JAZF1: variants seen among roughly 807,000 people sequenced by gnomAD.
The protein encoded by JAZF1 is JAZF zinc finger 1, also known as juxtaposed with another zinc finger protein 1.
A neutral mutation model predicts 26.4 loss-of-function variants in JAZF1; 8 were observed. The ratio of observed to expected loss-of-function variants is 0.30; its 90% CI spans 0.18 to 0.55. The LOEUF (loss-of-function observed/expected upper bound fraction) is 0.55. Ranked by LOEUF, JAZF1 falls within the 20% of genes least tolerant of loss-of-function variation. The probability of loss-of-function intolerance (pLI) is 0.94; values close to 1 mark genes in which losing one functional copy is unlikely to be tolerated. For synonymous variants in JAZF1, 126 were observed against 122.3 expected, an observed-to-expected ratio of 1.03 and a Z score of -0.20; for missense variants, 199 against 322.0, an observed-to-expected ratio of 0.62 and a Z score of 2.92.
chr7:27,994,967 G>A (rs1292764764), intron 1 of JAZF1, among the ~76,000 whole-genome samples: 2 of 152,144 alleles, frequency 1.3e-5, no homozygotes, highest in Non-Finnish European at 2.9e-5. Context: ...TTCAGAGCAG[G>A]ACAGATCCCC....
intron 3 of JAZF1, among the ~76,000 whole-genome samples, chr7:27,891,979 G>A (rs1282335206): frequency 6.6e-6 from 1 of 152,176 alleles, no homozygotes; most frequent in Non-Finnish European, 1.5e-5. Flanking sequence ...TATAAATGAA[G>A]TTCCTACAAG....
At chr7:28,090,355 C>T (rs1784274641) in intron 1 of JAZF1, among the ~76,000 whole-genome samples, 1 of 152,206 alleles carries the variant, frequency 6.6e-6, no homozygotes, top group Non-Finnish European at 1.5e-5. Flanking sequence ...TCCAGTCAAA[C>T]TGCAATCTTA....
At chr7:27,885,725 T>C (rs1246173616) in intron 3 of JAZF1, among the ~76,000 whole-genome samples, 1 of 152,138 alleles carries the variant, frequency 6.6e-6, no homozygotes, top group East Asian at 1.9e-4. Flanking sequence ...AGTGTTTGTA[T>C]CCATTCTGAC....
In JAZF1 at chr7:28,179,639, G is replaced by A. The variant is rs1372621384; in HGVS notation, c.115+824C>T. Among the ~76,000 whole-genome samples the A allele has an allele frequency of 9.3e-5, 14 of 150,114 alleles. 1 individual carries two copies. Among genetic ancestry groups the A allele is most frequent in the Admixed American group, 8.6e-4 (13 of 15,092 alleles). ...CCCCGGGGCGCTGGGCGCGGCCCGC[G>A]GGCGCACCCAAGACCTCAGCCCGCA... is the stretch of plus-strand genomic sequence containing the variant. On this transcript the variant is annotated intron_variant, in intron 1 of 4. Transcript: ENST00000283928.
chr7:27,979,931 TCTCA>T (rs1785549304), intron 2 of JAZF1, among the ~76,000 whole-genome samples: 1 of 152,230 alleles, frequency 6.6e-6, no homozygotes, highest in Non-Finnish European at 1.5e-5. Context: ...TGGTTACCTC[TCTCA>T]TAGAGTTTCC....
At chr7:28,027,749 C>G (rs1275807703) in intron 1 of JAZF1, among the ~76,000 whole-genome samples, 1 of 152,188 alleles carries the variant, frequency 6.6e-6, no homozygotes, top group Non-Finnish European at 1.5e-5. Flanking sequence ...CACAATTACC[C>G]TGCAAAACAG....
chr7:27,834,396 C>G (rs553461283), intron 4 of JAZF1, among the ~76,000 whole-genome samples: 1 of 152,118 alleles, frequency 6.6e-6, no homozygotes, highest in Non-Finnish European at 1.5e-5. Flanking sequence ...TTTGTTGAAC[C>G]CAGGGGTGCC....
At chr7:28,099,384 C>G (rs1202228389) in intron 1 of JAZF1, among the ~76,000 whole-genome samples, 1 of 149,652 alleles carries the variant, frequency 6.7e-6, no homozygotes, top group Non-Finnish European at 1.5e-5. Context: ...TTTTTTACAG[C>G]TAATAAATTC....
chr7:27,831,024 G>A lies in JAZF1; in HGVS notation c.*1776C>T, dbSNP rs1302397121. 1 of 220,578 alleles carries A rather than the reference G, an allele frequency of 4.5e-6. No homozygotes were observed. Among genetic ancestry groups the A allele is most frequent in the Non-Finnish European group, 9.1e-6 (1 of 109,888 alleles). The allele number at this position is 220,578 out of a possible 1,614,324, so 13.7% of individuals were successfully genotyped here. On this transcript the variant is annotated 3_prime_UTR_variant, in exon 5 of 5. Transcript: ENST00000283928. ...AATTTTTTTTGGTCAATTGTAGGTA[G>A]ATATGAAATAGCCAAGTGGGGCCTT...
chr7:27,931,463 T>C (rs1413625799), intron 2 of JAZF1, among the ~76,000 whole-genome samples: 1 of 152,176 alleles, frequency 6.6e-6, no homozygotes, highest in Non-Finnish European at 1.5e-5. Context: ...AAACTCTGCA[T>C]GTGGGAATTT....
At chr7:28,032,626 A>G (rs6956395) in intron 1 of JAZF1, among the ~76,000 whole-genome samples, 12,039 of 152,100 alleles carry the variant, frequency 0.079, 876 homozygotes, top group African/African-American at 0.19. Flanking sequence ...TCACTTTAAT[A>G]AGAATTTGCC....
intron 2 of JAZF1, among the ~76,000 whole-genome samples, chr7:27,959,228 G>C (rs1785150058): frequency 6.6e-6 from 1 of 152,044 alleles, no homozygotes; most frequent in African/African-American, 2.4e-5. Flanking sequence ...ATTATGATCA[G>C]GGTTCCCTGA....
chr7:28,104,363 T>C (rs535754160), intron 1 of JAZF1, among the ~76,000 whole-genome samples: 1 of 152,346 alleles, frequency 6.6e-6, no homozygotes, highest in Admixed American at 6.5e-5. Context: ...GATTTCTTTA[T>C]TGTTTTGTTC....
chr7:27,949,357 T>C (rs1784972028), intron 2 of JAZF1, among the ~76,000 whole-genome samples: 1 of 152,222 alleles, frequency 6.6e-6, no homozygotes, highest in African/African-American at 2.4e-5. Context: ...AGTGTTTTCT[T>C]TTCCTTTTGG....
chr7:27,883,637 AT>A (rs57846747), intron 3 of JAZF1, among the ~76,000 whole-genome samples: 2,173 of 152,254 alleles, frequency 0.014, 52 homozygotes, highest in African/African-American at 0.049. Flanking sequence ...GGCGGCTTTA[AT>A]TTTCTTTCTG....
intron 2 of JAZF1, among the ~76,000 whole-genome samples, chr7:27,908,574 T>C (rs531005731): frequency 6.6e-6 from 1 of 152,308 alleles, no homozygotes; most frequent in African/African-American, 2.4e-5. Flanking sequence ...AGGCCCCAAC[T>C]GAGCAGACCA....
At chr7:27,895,552 A>C (rs185070972) in intron 2 of JAZF1, 136 bp from the exon 3 acceptor site, 12 of 491,512 alleles carry the variant, frequency 2.4e-5, no homozygotes, top group Middle Eastern at 3.4e-4. Context: ...TCAAAAACTC[A>C]CAACAGCTTC....
At chr7:28,136,356 T>G (rs1424727860) in intron 1 of JAZF1, among the ~76,000 whole-genome samples, 1 of 152,244 alleles carries the variant, frequency 6.6e-6, no homozygotes, top group Non-Finnish European at 1.5e-5. Flanking sequence ...TCTCCCATAT[T>G]GAACCAGTTC....
At chr7:28,180,345 C>T in intron 1 of JAZF1, 118 bp downstream of exon 1, 1 of 599,018 alleles carries the variant, frequency 1.7e-6, no homozygotes, top group Non-Finnish European at 2.8e-6. Flanking sequence ...GGCTCGCACG[C>T]GCCCTCCCCG....
Sources: allele counts gnomAD v4.1 joint callset (sites outside exome capture counted in the v4.1 genomes callset), GRCh38; gene constraint gnomAD v4.1.1; transcripts MANE v1.5; gene names NCBI Gene and HGNC (gene_info 2026-07-23, HGNC 2026-07-21).